The following KCTD3 variants were observed in gnomAD, a reference collection of about 807,000 sequenced individuals.
KCTD3 encodes potassium channel tetramerization domain containing 3.
In KCTD3, 41 loss-of-function variants were observed where a neutral mutation model predicts 85.8. The observed-to-expected ratio is 0.48, with a 90% confidence interval of 0.37 to 0.62. The LOEUF is 0.62. Ranked by LOEUF, KCTD3 falls within the 20% of genes least tolerant of loss-of-function variation. KCTD3 has a pLI of 0.00. For missense variants in KCTD3, 724 were observed against 989.9 expected (o/e 0.73, Z 3.60); for synonymous variants, 338 against 345.4 (o/e 0.98, Z 0.24).
intron 1 of KCTD3, among the ~76,000 whole-genome samples, chr1:215,571,954 G>A (rs1450458895): frequency 6.6e-6 from 1 of 152,160 alleles, no homozygotes; most frequent in Non-Finnish European, 1.5e-5. Flanking sequence ...AATTGTGATT[G>A]GAAAGCATGT....
At position 215,602,240 on chromosome 1, in the gene KCTD3, A is replaced by G. The variant is rs10218729; in HGVS notation, c.1138+39A>G. 793 of 1,024,162 alleles carry G rather than the reference A, an allele frequency of 7.7e-4. 4 individuals carry two copies. In the African/African-American group the frequency reaches 0.01, roughly 13 times the overall value. The allele number at this position is 1,024,162 out of a possible 1,614,324, so 63.4% of individuals were successfully genotyped here. ...CAATTATATACATTCTTGACTTTTT[A>G]TCTTTTTATTCATTAGTTTATTATG... is the stretch of plus-strand genomic sequence containing the variant. On this transcript the variant is annotated intron_variant, in intron 12 of 17. Coordinates refer to ENST00000259154, the MANE Select transcript of KCTD3 (RefSeq NM_016121.5).
chr1:215,575,572 T>C (rs527760941), intron 3 of KCTD3, among the ~76,000 whole-genome samples: 1 of 152,312 alleles, frequency 6.6e-6, no homozygotes, highest in South Asian at 2.1e-4. Flanking sequence ...TTCTAGACTG[T>C]TTCAGATAAA....
At chr1:215,578,959 G>T (rs775563850) in intron 6 of KCTD3, 41 bp from the exon 7 acceptor site, 4 of 1,405,092 alleles carry the variant, frequency 2.8e-6, no homozygotes, top group Non-Finnish European at 3.8e-6. Context: ...TTTTTGAAAG[G>T]TGAACTTAGG....
At position 215,574,091 on chromosome 1, in the gene KCTD3, T is replaced by G; in HGVS notation, c.156T>G (p.Ile52Met). 1 of 1,589,858 alleles carries G rather than the reference T, an allele frequency of 6.3e-7. No homozygotes were observed. The highest frequency in any genetic ancestry group is 8.6e-7 in the Non-Finnish European group (1 of 1,163,584). Residue 52 changes from isoleucine (I) to methionine (M), a missense_variant, in exon 3 of 18, where the codon ATT (isoleucine) becomes ATG (methionine). This residue lies in a region of KCTD3 where 97 missense variants were observed against 115.7 expected (regional missense o/e 0.84). Coordinates refer to ENST00000259154, the MANE Select transcript of KCTD3 (RefSeq NM_016121.5). The stretch of plus-strand genomic sequence containing the variant: ...CTTCCAGTTTGCTGAGTGGGAGAAT[T>G]TCAACACTTCGAGATGAAACTGGTG... Reference protein sequence around the residue: ...SFFSSLLSGRISTLRDETGAI... With the variant: ...SFFSSLLSGRMSTLRDETGAI...
intron 9 of KCTD3, among the ~76,000 whole-genome samples, chr1:215,594,580 C>G (rs904646274): frequency 2.6e-5 from 4 of 151,784 alleles, no homozygotes; most frequent in South Asian, 2.1e-4. Context: ...TTTCCATACC[C>G]TTTTTACCCC....
chr1:215,616,370 T>A (rs2102607295), intron 15 of KCTD3, among the ~76,000 whole-genome samples: 1 of 152,304 alleles, frequency 6.6e-6, no homozygotes, highest in Non-Finnish European at 1.5e-5. Flanking sequence ...CACCTATTTA[T>A]GATTTAAAAA....
In KCTD3 at chr1:215,578,374, C is replaced by T. The variant is rs146868008; in HGVS notation, c.397+293C>T. ...TGAAGACTAGGTTTAACTGTAACCA[C>T]TACAACTTTATTTACATAAATAGCA... On this transcript the variant is annotated intron_variant, in intron 6 of 17. Transcript: ENST00000259154. 2.0e-5 allele frequency among the ~76,000 whole-genome samples: 3 copies of T among 152,262 alleles called. No individual in the cohort carries two copies. The East Asian group carries it at 5.8e-4, about 29-fold the overall frequency.
At chr1:215,590,786 A>C (rs909899701) in intron 9 of KCTD3, among the ~76,000 whole-genome samples, 1 of 152,112 alleles carries the variant, frequency 6.6e-6, no homozygotes, top group African/African-American at 2.4e-5. Flanking sequence ...GCTAATATCA[A>C]TATCTGGTTA....
intron 4 of KCTD3, 31 bp downstream of exon 4, chr1:215,576,005 C>T (rs373023035): frequency 5.3e-5 from 56 of 1,052,950 alleles, no homozygotes; most frequent in Non-Finnish European, 7.4e-5. Context: ...AAAGTAAATT[C>T]TTACTGATAA....
intron 7 of KCTD3, among the ~76,000 whole-genome samples, chr1:215,579,521 C>T (rs1482653605): frequency 4.8e-5 from 7 of 147,116 alleles, no homozygotes; most frequent in Admixed American, 1.4e-4. Flanking sequence ...TTTTTTGAGA[C>T]GGAGTCTCGC....
intron 14 of KCTD3, 123 bp downstream of exon 14, chr1:215,608,295 C>T: frequency 1.7e-6 from 1 of 601,018 alleles, no homozygotes; most frequent in Non-Finnish European, 2.7e-6. Flanking sequence ...TTTTGAAATT[C>T]TAAACAGAAT....
At chr1:215,597,120 C>T (rs552003860) in intron 10 of KCTD3, among the ~76,000 whole-genome samples, 4 of 151,552 alleles carry the variant, frequency 2.6e-5, no homozygotes, top group African/African-American at 9.7e-5. Context: ...TCAAATGAAC[C>T]AGGTTTGTAT....
intron 14 of KCTD3, among the ~76,000 whole-genome samples, chr1:215,608,623 C>G (rs1382666596): frequency 6.6e-6 from 1 of 151,856 alleles, no homozygotes; most frequent in Non-Finnish European, 1.5e-5. Flanking sequence ...CTTTGATATT[C>G]TCTGATTTCA....
At chr1:215,577,972 T>C (rs1659654542) in intron 5 of KCTD3, 29 bp from the exon 6 acceptor site, 1 of 1,603,746 alleles carries the variant, frequency 6.2e-7, no homozygotes, top group African/African-American at 1.3e-5. Context: ...GCATGTACTC[T>C]TGACAAGTTT....
chr1:215,621,680 C>T lies in KCTD3; in HGVS notation c.*1062C>T, dbSNP rs576255132. 16 of 152,384 alleles carry T rather than the reference C, an allele frequency of 1.0e-4. No homozygotes were observed. The highest frequency in any genetic ancestry group is 3.6e-4 in the African/African-American group (15 of 41,478). The allele number at this position is 152,384 out of a possible 1,614,324, so 9.4% of individuals were successfully genotyped here. On this transcript the variant is annotated 3_prime_UTR_variant, in exon 18 of 18. Coordinates refer to ENST00000259154, the MANE Select transcript of KCTD3 (RefSeq NM_016121.5). ...TTATTGGTGAATAATGTATATATCC[C>T]CATTCCAAGAAATATAAGTGAGTGA...
intron 10 of KCTD3, among the ~76,000 whole-genome samples, chr1:215,595,749 C>T (rs1660394653): frequency 6.6e-6 from 1 of 152,082 alleles, no homozygotes; most frequent in Admixed American, 6.6e-5. Flanking sequence ...GTAGTCCAGG[C>T]AAATTTTATT....
chr1:215,608,760 C>T (rs79083369), intron 14 of KCTD3, among the ~76,000 whole-genome samples: 2,622 of 151,962 alleles, frequency 0.017, 67 homozygotes, highest in African/African-American at 0.058. Context: ...TAGATCATTC[C>T]ACCCCCGGCC....
chr1:215,579,483 G>A (rs936196630), intron 7 of KCTD3, among the ~76,000 whole-genome samples: 7 of 152,044 alleles, frequency 4.6e-5, no homozygotes, highest in African/African-American at 1.7e-4. Context: ...AAGCATGGCT[G>A]GGTTCTAACA....
At chr1:215,594,016 T>C (rs1178001971) in intron 9 of KCTD3, among the ~76,000 whole-genome samples, 2 of 151,964 alleles carry the variant, frequency 1.3e-5, no homozygotes, top group Non-Finnish European at 2.9e-5. Flanking sequence ...TGTGCTACCA[T>C]ACCCAGCTAA....
Sources: allele counts gnomAD v4.1 joint callset (sites outside exome capture counted in the v4.1 genomes callset), GRCh38; gene constraint gnomAD v4.1.1; regional missense constraint gnomAD v4.1.1; transcripts MANE v1.5; gene names NCBI Gene and HGNC (gene_info 2026-07-23, HGNC 2026-07-21).